The following SMAP1 variants were observed in gnomAD, a reference collection of about 807,000 sequenced individuals.
SMAP1 encodes the protein small ArfGAP 1.
A neutral mutation model predicts 58.5 loss-of-function variants in SMAP1; 24 were observed. The ratio of observed to expected loss-of-function variants is 0.41; its 90% CI spans 0.30 to 0.58. The LOEUF is 0.58. Among genes scored for constraint, SMAP1 ranks in the 20% least tolerant of loss-of-function variants. The probability of loss-of-function intolerance (pLI) is 0.29; values close to 1 mark genes in which losing one functional copy is unlikely to be tolerated. For synonymous variants in SMAP1, 216 were observed against 196.6 expected, an observed-to-expected ratio of 1.10 and a Z score of -0.82; for missense variants, 563 against 566.3, an observed-to-expected ratio of 0.99 and a Z score of 0.06.
At chr6:70,856,282 A>G (rs916877787) in intron 8 of SMAP1, among the ~76,000 whole-genome samples, 1 of 152,162 alleles carries the variant, frequency 6.6e-6, no homozygotes, top group Non-Finnish European at 1.5e-5. Context: ...CCCTTGTCCA[A>G]AAGTGAAGGG....
chr6:70,718,090 T>C, intron 1 of SMAP1, among the ~76,000 whole-genome samples: 1 of 152,178 alleles, frequency 6.6e-6, no homozygotes, highest in Admixed American at 6.5e-5. Flanking sequence ...TTTTGGTGTT[T>C]TTTTTTCCCC....
At chr6:70,720,271 TG>T (rs1768463594) in intron 1 of SMAP1, among the ~76,000 whole-genome samples, 1 of 152,164 alleles carries the variant, frequency 6.6e-6, no homozygotes, top group Non-Finnish European at 1.5e-5. Context: ...ATGATCTCCA[TG>T]AGTGCAGGTC....
At chr6:70,688,699 A>G (rs1230161574) in intron 1 of SMAP1, among the ~76,000 whole-genome samples, 1 of 152,180 alleles carries the variant, frequency 6.6e-6, no homozygotes, top group Admixed American at 6.5e-5. Context: ...CGTTTGTCAG[A>G]TATGTGCAAA....
intron 3 of SMAP1, among the ~76,000 whole-genome samples, chr6:70,765,726 TTTTA>T (rs1766944547): frequency 6.6e-6 from 1 of 152,020 alleles, no homozygotes; most frequent in Non-Finnish European, 1.5e-5. Flanking sequence ...ACTTTTCTTT[TTTTA>T]TTTTTTATTT....
At chr6:70,730,878 C>T (rs566728723) in intron 1 of SMAP1, among the ~76,000 whole-genome samples, 1 of 152,326 alleles carries the variant, frequency 6.6e-6, no homozygotes, top group Admixed American at 6.5e-5. Flanking sequence ...CGACTCACTG[C>T]AATCTCTGCC....
chr6:70,692,698 G>T (rs2149819657), intron 1 of SMAP1, among the ~76,000 whole-genome samples: 1 of 152,136 alleles, frequency 6.6e-6, no homozygotes, highest in East Asian at 1.9e-4. Context: ...TGTATGTTCT[G>T]GGCCCCTTTG....
intron 2 of SMAP1, 104 bp from the exon 3 acceptor site, chr6:70,754,873 AAAT>A (rs1252006442): frequency 8.9e-6 from 5 of 562,604 alleles, no homozygotes; most frequent in Admixed American, 8.2e-5. Flanking sequence ...TATATATTGG[AAAT>A]AATAAATTAT....
intron 7 of SMAP1, among the ~76,000 whole-genome samples, chr6:70,848,791 A>G (rs1771082031): frequency 6.6e-6 from 1 of 152,252 alleles, no homozygotes; most frequent in Non-Finnish European, 1.5e-5. Flanking sequence ...GACCTTCAAA[A>G]TGAATTGAAG....
chr6:70,752,167 C>T (rs920022318), intron 2 of SMAP1, among the ~76,000 whole-genome samples: 15 of 152,082 alleles, frequency 9.9e-5, no homozygotes, highest in African/African-American at 3.1e-4. Context: ...TAGTGTCAGC[C>T]GTGTCACTAA....
intron 5 of SMAP1, among the ~76,000 whole-genome samples, chr6:70,796,951 T>G (rs1198475917): frequency 6.6e-6 from 1 of 152,178 alleles, no homozygotes; most frequent in African/African-American, 2.4e-5. Context: ...ATTCTTCTTT[T>G]GTTGCAAAGC....
chr6:70,790,474 C>T (rs1768300306), intron 4 of SMAP1, among the ~76,000 whole-genome samples: 1 of 152,152 alleles, frequency 6.6e-6, no homozygotes, highest in South Asian at 2.1e-4. Flanking sequence ...ATAGGACAAA[C>T]CAGTTTTAAG....
At chr6:70,771,213 T>C (rs977650023) in intron 3 of SMAP1, among the ~76,000 whole-genome samples, 24 of 152,324 alleles carry the variant, frequency 1.6e-4, no homozygotes, top group African/African-American at 5.5e-4. Context: ...AGGGACCCAC[T>C]TGAGGAGGCA....
At chr6:70,856,004 G>A (rs1223804860) in intron 8 of SMAP1, among the ~76,000 whole-genome samples, 1 of 152,186 alleles carries the variant, frequency 6.6e-6, no homozygotes, top group East Asian at 1.9e-4. Context: ...GACATTAAAT[G>A]TTTGAATTTA....
intron 1 of SMAP1, chr6:70,694,254 A>T: frequency 1.9e-5 from 4 of 214,032 alleles, no homozygotes; most frequent in Non-Finnish European, 3.7e-5. Context: ...CACTGGCAAC[A>T]CAATAATTCT....
chr6:70,754,500 C>T (rs1766405206), intron 2 of SMAP1, among the ~76,000 whole-genome samples: 1 of 152,050 alleles, frequency 6.6e-6, no homozygotes, highest in African/African-American at 2.4e-5. Flanking sequence ...TACATTTTTA[C>T]AGAGTTTTAG....
intron 6 of SMAP1, among the ~76,000 whole-genome samples, chr6:70,833,372 G>A (rs1340943778): frequency 6.6e-6 from 1 of 152,116 alleles, no homozygotes; most frequent in Admixed American, 6.5e-5. Context: ...TTTGCCACAC[G>A]TTGTGTTCAG....
At chr6:70,855,439 T>G (rs192260437) in intron 8 of SMAP1, among the ~76,000 whole-genome samples, 18 of 152,316 alleles carry the variant, frequency 1.2e-4, no homozygotes, top group Non-Finnish European at 2.5e-4. Flanking sequence ...GAATCATAGC[T>G]TCCCAACATT....
intron 2 of SMAP1, among the ~76,000 whole-genome samples, chr6:70,742,318 C>T (rs1765848591): frequency 2.6e-5 from 4 of 152,182 alleles, no homozygotes; most frequent in Admixed American, 2.6e-4. Flanking sequence ...TGCTTTGCTG[C>T]TTAGGCATTT....
At chr6:70,771,165 G>A (rs529874886) in intron 3 of SMAP1, among the ~76,000 whole-genome samples, 1 of 152,194 alleles carries the variant, frequency 6.6e-6, no homozygotes. Context: ...CCCTACTGGG[G>A]GGTGCCTCCC....
Sources: allele counts gnomAD v4.1 joint callset (sites outside exome capture counted in the v4.1 genomes callset), GRCh38; gene constraint gnomAD v4.1.1; transcripts MANE v1.5; gene names NCBI Gene and HGNC (gene_info 2026-07-23, HGNC 2026-07-21).